STK32A: variants seen among roughly 807,000 people sequenced by gnomAD.
STK32A encodes serine/threonine-protein kinase 32A.
Under a neutral mutation model 53.2 loss-of-function variants are expected in STK32A, and 41 were observed. The ratio of observed to expected loss-of-function variants is 0.77; its 90% CI spans 0.60 to 1.00. The LOEUF (loss-of-function observed/expected upper bound fraction) is 1.00, where lower values mean the gene tolerates loss of function less well. Ranked by LOEUF, STK32A falls within the 50% of genes least tolerant of loss-of-function variation. The probability of loss-of-function intolerance (pLI) is 0.00; values close to 1 mark genes in which losing one functional copy is unlikely to be tolerated. For synonymous variants in STK32A, 166 were observed against 162.8 expected (o/e 1.02, Z -0.15); for missense variants, 458 against 485.8 (o/e 0.94, Z 0.54).
At chr5:147,294,381 C>T (rs1422942091) in intron 4 of STK32A, among the ~76,000 whole-genome samples, 1 of 152,160 alleles carries the variant, frequency 6.6e-6, no homozygotes, top group Non-Finnish European at 1.5e-5. Context: ...TCTGCCTCAG[C>T]CTCCCGAGTA....
At chr5:147,355,792 G>GTGTGTGTGTA (rs984298293) in intron 7 of STK32A, among the ~76,000 whole-genome samples, 20 of 147,848 alleles carry the variant, frequency 1.4e-4, no homozygotes, top group Admixed American at 1.3e-3. Context: ...GTGTGTGTGT[G>GTGTGTGTGTA]TATATATATA....
chr5:147,395,450 A>C, the STK32A span: 2 of 1,363,178 alleles, frequency 1.5e-6, no homozygotes, highest in Non-Finnish European at 2.0e-6. Context: ...CACCAGTGCT[A>C]GGCTGGAAAA....
chr5:147,373,443 C>T (rs999913116), intron 10 of STK32A, 149 bp downstream of exon 10: 2 of 1,093,920 alleles, frequency 1.8e-6, no homozygotes, highest in South Asian at 2.9e-5. Context: ...TTGAGACATG[C>T]ACAGGGTAAG....
At chr5:147,394,064 C>A in the STK32A span, 1 of 1,614,142 alleles carries the variant, frequency 6.2e-7, no homozygotes, top group Non-Finnish European at 8.5e-7. Context: ...TTAGAACGGC[C>A]GCCTGGGGGC....
At chr5:147,390,566 A>G (rs114408526), downstream of STK32A, among the ~76,000 whole-genome samples, 415 of 152,144 alleles carry the variant, frequency 2.7e-3, 4 homozygotes, top group Non-Finnish European at 4.0e-3. Context: ...ATAATACTAA[A>G]TTTGATGATC....
intron 5 of STK32A, among the ~76,000 whole-genome samples, chr5:147,326,046 T>A (rs1754571119): frequency 6.6e-6 from 1 of 152,230 alleles, no homozygotes. Context: ...AGACCAATTC[T>A]CTGAGCATTT....
intron 2 of STK32A, among the ~76,000 whole-genome samples, chr5:147,258,491 T>C (rs997990085): frequency 6.6e-6 from 1 of 152,150 alleles, no homozygotes; most frequent in African/African-American, 2.4e-5. Context: ...CTTAATTACT[T>C]TTAAATTATA....
Position 147,384,755 on chromosome 5 carries a change from G to A in STK32A, c.*772G>A. 3.7e-6 allele frequency: 1 copy of A among 268,910 alleles called. No homozygotes were observed. The allele number at this position is 268,910 out of a possible 1,614,324, so 16.7% of individuals were successfully genotyped here. On this transcript the variant is annotated 3_prime_UTR_variant, in exon 13 of 13. Transcript: ENST00000397936. ...ATTAGCCCACCACTCCTTCCAAGAA[G>A]CATGTTCCTTGAGGGCTAATTGTCC...
At chr5:147,368,898 G>T (rs1046584019) in intron 8 of STK32A, among the ~76,000 whole-genome samples, 2 of 151,906 alleles carry the variant, frequency 1.3e-5, no homozygotes, top group Admixed American at 1.3e-4. Flanking sequence ...AGGTTGAGAA[G>T]CAGCAATGAA....
chr5:147,297,757 C>T (rs2151964420), intron 4 of STK32A, among the ~76,000 whole-genome samples: 1 of 152,204 alleles, frequency 6.6e-6, no homozygotes. Context: ...GCGGGTGAAT[C>T]ACTTGAGGTC....
intron 7 of STK32A, among the ~76,000 whole-genome samples, chr5:147,357,814 A>T (rs1172568943): frequency 6.6e-6 from 1 of 152,058 alleles, no homozygotes; most frequent in African/African-American, 2.4e-5. Context: ...TGATTATTAA[A>T]TAATTGTTTT....
At position 147,373,274 on chromosome 5, in the gene STK32A, A is replaced by C. The variant is rs114771040; in HGVS notation, c.883A>C (p.Ile295Leu). Residue 295 changes from isoleucine to leucine, a missense_variant, in exon 10 of 13, where the codon ATT (isoleucine) becomes CTT (leucine). Coordinates refer to ENST00000397936, the MANE Select transcript of STK32A (RefSeq NM_001112724.2). Reference sequence around the variant, plus strand: ...GGATGCAGTTTTTCAGAAGAGGCTCATTCCAGGTTTCATTCCTAATGTGAG... The same window carrying C: ...GGATGCAGTTTTTCAGAAGAGGCTCCTTCCAGGTTTCATTCCTAATGTGAG... Reference protein sequence around the residue: ...NWDAVFQKRLIPGFIPNKGRL... With the variant: ...NWDAVFQKRLLPGFIPNKGRL... 3 of 1,613,262 alleles carry C rather than the reference A, an allele frequency of 1.9e-6. No individual in the cohort carries two copies. The highest frequency in any genetic ancestry group is 1.7e-5 in the Admixed American group (1 of 59,900).
intron 2 of STK32A, among the ~76,000 whole-genome samples, chr5:147,261,074 C>A (rs560553043): frequency 6.6e-6 from 1 of 152,096 alleles, no homozygotes; most frequent in African/African-American, 2.4e-5. Context: ...TTATTCCTCG[C>A]ACTGGGTGGG....
chr5:147,336,695 C>T (rs530280501), intron 5 of STK32A, among the ~76,000 whole-genome samples: 106 of 152,270 alleles, frequency 7.0e-4, no homozygotes, highest in African/African-American at 2.4e-3. Flanking sequence ...CCCTGACAGC[C>T]TTTCACTTCT....
chr5:147,323,390 A>G (rs1488981582), intron 4 of STK32A, among the ~76,000 whole-genome samples: 1 of 152,140 alleles, frequency 6.6e-6, no homozygotes, highest in Non-Finnish European at 1.5e-5. Flanking sequence ...TTAGTTCTTC[A>G]TTGCCCTTCT....
intron 4 of STK32A, among the ~76,000 whole-genome samples, chr5:147,319,058 T>C (rs1301503901): frequency 6.6e-6 from 1 of 152,166 alleles, no homozygotes; most frequent in Non-Finnish European, 1.5e-5. Context: ...GGTTCCAGTG[T>C]TATCCAAGCC....
At chr5:147,295,485 T>G (rs1752826382) in intron 4 of STK32A, among the ~76,000 whole-genome samples, 1 of 152,236 alleles carries the variant, frequency 6.6e-6, no homozygotes, top group Admixed American at 6.5e-5. Flanking sequence ...GAAGGCACGG[T>G]GGCTTTCATT....
chr5:147,277,936 C>A (rs75926181), intron 2 of STK32A, among the ~76,000 whole-genome samples, 188 bp from the exon 3 acceptor site: 1 of 152,126 alleles, frequency 6.6e-6, no homozygotes. Flanking sequence ...ATTCCCAGCA[C>A]TAAGCACTAG....
chr5:147,380,434 C>T (rs540188311), intron 11 of STK32A, among the ~76,000 whole-genome samples: 1 of 151,988 alleles, frequency 6.6e-6, no homozygotes, highest in South Asian at 2.1e-4. Flanking sequence ...AGAAAACTCT[C>T]CAGTACTGGA....
Sources: gnomAD v4.1 joint callset for allele counts (sites outside exome capture counted in the v4.1 genomes callset) on GRCh38, gnomAD v4.1.1 for gene constraint, MANE v1.5 for transcripts, NCBI Gene and HGNC (gene_info 2026-07-23, HGNC 2026-07-21) for gene names.